Variants in TRIM36 observed in about 807,000 individuals in gnomAD.
The protein encoded by TRIM36 is E3 ubiquitin-protein ligase TRIM36.
In TRIM36, 42 loss-of-function variants were observed where a neutral mutation model predicts 72.4. The observed-to-expected ratio is 0.58, with a 90% CI of 0.45 to 0.75. The LOEUF (loss-of-function observed/expected upper bound fraction) is 0.75, where lower values mean the gene tolerates loss of function less well. Among genes scored for constraint, TRIM36 ranks in the 30% least tolerant of loss-of-function variants. The pLI, the probability that TRIM36 is intolerant of heterozygous loss-of-function variation, is 0.00. For synonymous variants in TRIM36, 315 were observed against 282.8 expected (o/e 1.11, Z -1.14); for missense variants, 913 against 857.1 (o/e 1.07, Z -0.81).
chr5:115,166,395 C>T (rs1754776218), intron 1 of TRIM36, among the ~76,000 whole-genome samples: 4 of 152,190 alleles, frequency 2.6e-5, no homozygotes, highest in Admixed American at 2.0e-4. Flanking sequence ...GAGGACTGCA[C>T]ACTCGACAAA....
At position 115,163,509 on chromosome 5, in the gene TRIM36, AAC is replaced by A; in HGVS notation, c.262+7_262+8del. On this transcript the variant is annotated splice_region_variant and intron_variant, in intron 2 of 9. Transcript: ENST00000513154. ...CACTACCATCCCAGCCCACAGTTCT[AAC>A]ACATACCTGGTCTGTTAATTCGGTC... 1 of 1,612,342 alleles carries A rather than the reference AAC, an allele frequency of 6.2e-7. No individual in the cohort carries two copies. Among genetic ancestry groups the A allele is most frequent in the Non-Finnish European group, 8.5e-7 (1 of 1,178,344 alleles).
rs530365354 is a variant in TRIM36 at position 115,169,681 on chromosome 5, G to C, written c.-47C>G. On this transcript the variant is annotated 5_prime_UTR_variant, in exon 1 of 10. Transcript: ENST00000513154. Reference sequence around the variant, plus strand: ...ATCAGCGGCACGTTCCACTCACACCGGCTACCGAGCGCAGGGTCTGGTGGG... The same window carrying C: ...ATCAGCGGCACGTTCCACTCACACCCGCTACCGAGCGCAGGGTCTGGTGGG... 4 of 1,513,740 alleles carry C rather than the reference G, an allele frequency of 2.6e-6. No homozygotes were observed. In the South Asian group the frequency reaches 5.0e-5, roughly 19 times the overall value. 93.8% of individuals were successfully genotyped at this position (1,513,740 alleles called of 1,614,324 possible).
intron 2 of TRIM36, among the ~76,000 whole-genome samples, chr5:115,150,687 A>G (rs570534036): frequency 1.3e-5 from 2 of 152,202 alleles, no homozygotes; most frequent in Non-Finnish European, 2.9e-5. Context: ...CTCCTACAGG[A>G]CCTGGGAGAC....
chr5:115,167,976 T>C (rs962580927), intron 1 of TRIM36, among the ~76,000 whole-genome samples: 7 of 152,198 alleles, frequency 4.6e-5, no homozygotes, highest in Non-Finnish European at 8.8e-5. Flanking sequence ...ACGTTTTACA[T>C]GGCAGCAGGC....
At chr5:115,154,686 G>A (rs1754080640) in intron 2 of TRIM36, among the ~76,000 whole-genome samples, 1 of 152,088 alleles carries the variant, frequency 6.6e-6, no homozygotes, top group African/African-American at 2.4e-5. Context: ...AGATTGAAAT[G>A]GTAATTTAAA....
intron 5 of TRIM36, among the ~76,000 whole-genome samples, chr5:115,139,613 A>T (rs1753165742): frequency 6.6e-6 from 1 of 152,258 alleles, no homozygotes; most frequent in South Asian, 2.1e-4. Context: ...GACAAATCAC[A>T]ACATCCAACT....
upstream of TRIM36, chr5:115,171,098 C>A (rs759583022): frequency 7.4e-6 from 12 of 1,614,088 alleles, no homozygotes; most frequent in Non-Finnish European, 1.0e-5. Context: ...AGCGAGACAT[C>A]TCGTTTAGGT....
At position 115,128,048 on chromosome 5, in the gene TRIM36, A is replaced by C. The variant is rs1007533390; in HGVS notation, c.1797-1191T>G. Among the ~76,000 whole-genome samples, 4 of 149,294 alleles carry C rather than the reference A, an allele frequency of 2.7e-5. No homozygotes were observed. In the Admixed American group the frequency reaches 2.7e-4, roughly 10 times the overall value. Reference sequence around the variant, plus strand: ...GCTTAAAATGTTAAAAATTTAAAAAATTAAAAAAAAAAACTTGTAGAACAA... The same window carrying C: ...GCTTAAAATGTTAAAAATTTAAAAACTTAAAAAAAAAAACTTGTAGAACAA... On this transcript the variant is annotated intron_variant, in intron 9 of 9. Transcript: ENST00000513154.
chr5:115,137,326 C>T lies in TRIM36; in HGVS notation c.1085+37G>A, dbSNP rs774581843. On this transcript the variant is annotated intron_variant, in intron 6 of 9. Coordinates refer to ENST00000513154, the MANE Select transcript of TRIM36 (RefSeq NM_001300759.2). ...TACACAGCAGCATTTAATAACATTGCTCAATAGGTTCTAAAGTTAGAAGTA... is the reference window on the plus strand; with the variant it reads ...TACACAGCAGCATTTAATAACATTGTTCAATAGGTTCTAAAGTTAGAAGTA... 3.8e-6 allele frequency: 6 copies of T among 1,574,602 alleles called. No homozygotes were observed. The African/African-American group carries it at 5.4e-5, about 14-fold the overall frequency.
At chr5:115,132,100 T>A (rs1752714315) in intron 8 of TRIM36, among the ~76,000 whole-genome samples, 2 of 151,874 alleles carry the variant, frequency 1.3e-5, no homozygotes, top group South Asian at 4.2e-4. Flanking sequence ...CCTAGCTACA[T>A]GGGAGATAGG....
At chr5:115,134,307 T>C (rs1561421918) in intron 7 of TRIM36, among the ~76,000 whole-genome samples, 160 bp from the exon 8 acceptor site, 1 of 151,814 alleles carries the variant, frequency 6.6e-6, no homozygotes, top group Admixed American at 6.6e-5. Context: ...AAATTAAATA[T>C]ATTAAATATT....
intron 2 of TRIM36, among the ~76,000 whole-genome samples, chr5:115,160,797 G>C (rs942672640): frequency 1.3e-5 from 2 of 152,166 alleles, no homozygotes; most frequent in Non-Finnish European, 2.9e-5. Context: ...AGTGAGCTAT[G>C]ATCAAGCCAT....
At position 115,132,166 on chromosome 5, in the gene TRIM36, ATCTC is replaced by A. The variant is rs1163551342; in HGVS notation, c.1499-1281_1499-1278del. 3.7e-3 allele frequency among the ~76,000 whole-genome samples: 525 copies of A among 142,726 alleles called. 10 individuals are homozygous for A. Among genetic ancestry groups the A allele is most frequent in the Admixed American group, 5.6e-3 (78 of 13,940 alleles). The allele number at this position is 142,726 out of a possible 152,430, so 93.6% of individuals were successfully genotyped here. ...AGCAAAGGCAACATAGTGAGACCCC[ATCTC>A]TCTCTCTCTCTCTATGTGTGTGTGT... On this transcript the variant is annotated intron_variant, in intron 8 of 9. Coordinates refer to ENST00000513154, the MANE Select transcript of TRIM36 (RefSeq NM_001300759.2).
chr5:115,133,714 G>T, intron 8 of TRIM36, 146 bp downstream of exon 8: 1 of 732,268 alleles, frequency 1.4e-6, no homozygotes, highest in Non-Finnish European at 2.0e-6. Context: ...CTAAAGCCCA[G>T]CTGGGATAGA....
intron 2 of TRIM36, among the ~76,000 whole-genome samples, chr5:115,162,453 T>G (rs1754534596): frequency 6.6e-6 from 1 of 152,232 alleles, no homozygotes; most frequent in Non-Finnish European, 1.5e-5. Flanking sequence ...GAGTACCATG[T>G]CAGGTAAATT....
upstream of TRIM36, among the ~76,000 whole-genome samples, chr5:115,170,521 G>A (rs1755058501): frequency 6.6e-6 from 1 of 152,080 alleles, no homozygotes; most frequent in Admixed American, 6.5e-5. Context: ...CTAGCCAGGC[G>A]CGGCCTGGGG....
intron 1 of TRIM36, among the ~76,000 whole-genome samples, chr5:115,165,389 T>C (rs1345807164): frequency 6.6e-6 from 1 of 152,230 alleles, no homozygotes; most frequent in Admixed American, 6.5e-5. Flanking sequence ...GGTGTTTCTG[T>C]ACATCCTCTG....
At chr5:115,177,588 CAA>C in intron 1 of TRIM36, 1 of 1,444,482 alleles carries the variant, frequency 6.9e-7, no homozygotes, top group African/African-American at 1.4e-5. Context: ...TAATCACACA[CAA>C]AACAGGGGTC....
chr5:115,154,878 C>G (rs972360927), intron 2 of TRIM36, among the ~76,000 whole-genome samples: 2 of 151,970 alleles, frequency 1.3e-5, no homozygotes, highest in Non-Finnish European at 2.9e-5. Context: ...AAGGACATAA[C>G]AAAAGAAAAC....
Sources: allele counts gnomAD v4.1 joint callset (sites outside exome capture counted in the v4.1 genomes callset), GRCh38; gene constraint gnomAD v4.1.1; transcripts MANE v1.5; gene names NCBI Gene and HGNC (gene_info 2026-07-23, HGNC 2026-07-21).